The following FCN3 variants were observed in gnomAD, a reference collection of about 807,000 sequenced individuals.
FCN3 encodes ficolin 3, also known as ficolin-3.
In FCN3, 28 loss-of-function variants were observed where a neutral mutation model predicts 31.5. The ratio of observed to expected loss-of-function variants is 0.89; its 90% CI spans 0.66 to 1.22. The LOEUF (loss-of-function observed/expected upper bound fraction) is 1.22, where lower values mean the gene tolerates loss of function less well. Ranked by LOEUF, FCN3 falls within the 50% of genes most tolerant of loss-of-function variation. The probability of loss-of-function intolerance (pLI) is 0.00; values close to 1 mark genes in which losing one functional copy is unlikely to be tolerated. For missense variants in FCN3, 351 were observed against 386.8 expected (o/e 0.91, Z 0.78); for synonymous variants, 124 against 147.4 (o/e 0.84, Z 1.15).
rs201580290 is a variant in FCN3 at position 27,370,932 on chromosome 1, C to T, written c.434G>A (p.Arg145His). The change falls in exon 6 of 8, where the codon CGC (arginine) becomes CAC (histidine). Residue 145 changes from arginine (R) to histidine (H), a missense_variant. Arg to His is a conservative substitution (Grantham distance 29). Transcript: ENST00000270879. Reference protein sequence around the residue: ...RRQDGSVDFFRSWSSYRAGFG... With the variant: ...RRQDGSVDFFHSWSSYRAGFG... Reference sequence around the variant, plus strand: ...ACCTGCTCTGTAGGAGGACCAAGAGCGGAAGAAATCCACAGAACCATCCTG... The same window carrying T: ...ACCTGCTCTGTAGGAGGACCAAGAGTGGAAGAAATCCACAGAACCATCCTG... The T allele has an allele frequency of 7.6e-5, 123 of 1,613,434 alleles. No homozygotes were observed. The East Asian group carries it at 8.9e-4, about 12-fold the overall frequency.
rs776709383 is a variant in FCN3, at chr1:27,374,703, T to C, written c.91+25A>G. On this transcript the variant is annotated intron_variant, in intron 1 of 7. Transcript: ENST00000270879. The stretch of plus-strand genomic sequence containing the variant: ...AGCGAGGGAATGAGGAGTGGGTTGG[T>C]GAGGAGGGCACCCTAGGTGCCCACC... 8 of 1,358,844 alleles carry C rather than the reference T, an allele frequency of 5.9e-6. No homozygotes were observed. In the East Asian group the frequency reaches 2.1e-4, roughly 36 times the overall value. The allele number at this position is 1,358,844 out of a possible 1,614,324, so 84.2% of individuals were successfully genotyped here.
chr1:27,373,440 C>G (rs199734850), intron 4 of FCN3, 48 bp downstream of exon 4: 376 of 1,611,424 alleles, frequency 2.3e-4, no homozygotes, highest in Admixed American at 4.0e-4. Context: ...TGCCAACACC[C>G]AACACCATGT....
intron 7 of FCN3, 32 bp from the exon 8 acceptor site, chr1:27,369,509 G>A (rs1004389165): frequency 3.7e-6 from 6 of 1,606,670 alleles, no homozygotes; most frequent in South Asian, 1.1e-5. Context: ...GCACCTTGGT[G>A]CCCAGCACCA....
chr1:27,370,431 C>T, intron 7 of FCN3, 165 bp downstream of exon 7: 2 of 651,786 alleles, frequency 3.1e-6, no homozygotes, highest in Admixed American at 6.0e-5. Context: ...CTCCAGATCC[C>T]AAATTCTTCA....
intron 5 of FCN3, among the ~76,000 whole-genome samples, chr1:27,372,690 C>T (rs561696106): frequency 1.3e-5 from 2 of 152,202 alleles, no homozygotes; most frequent in African/African-American, 4.8e-5. Context: ...TCTCAGCTCA[C>T]TCACGCGTTC....
intron 3 of FCN3, 66 bp from the exon 4 acceptor site, chr1:27,373,586 G>A: frequency 6.4e-7 from 1 of 1,553,538 alleles, no homozygotes; most frequent in Non-Finnish European, 8.9e-7. Context: ...GCCACCAGTG[G>A]AGCCGGTACC....
At position 27,373,525 on chromosome 1, in the gene FCN3, C is replaced by T; in HGVS notation, c.233-5G>A. 2 of 1,614,042 alleles carry T rather than the reference C, an allele frequency of 1.2e-6. No individual in the cohort carries two copies. Among genetic ancestry groups the T allele is most frequent in the Non-Finnish European group, 1.7e-6 (2 of 1,179,962 alleles). On this transcript the variant is annotated splice_polypyrimidine_tract_variant and splice_region_variant and intron_variant, in intron 3 of 7. Transcript: ENST00000270879. ...GGAGCAGGTTCACTGGATCTCCTGC[C>T]CCAGAGAAGGGATGAGTGTTGGCTC...
In FCN3 at chr1:27,369,330, A is replaced by C; in HGVS notation, c.806T>G (p.Val269Gly). 6.2e-7 allele frequency: 1 copy of C among 1,614,262 alleles called. No homozygotes were observed. The highest frequency in any genetic ancestry group is 8.5e-7 in the Non-Finnish European group (1 of 1,180,040). Reference protein sequence around the residue: ...YRSNLNGRYAVSEAAAHKYGI... With the variant: ...YRSNLNGRYAGSEAAAHKYGI... ...ATATTTGTGGGCGGCAGCCTCAGAC[A>C]CTGCATAGCGACCATTGAGATTTGA... The change falls in exon 8 of 8, where the codon GTG (valine) becomes GGG (glycine). Residue 269 changes from valine (V) to glycine (G), a missense_variant. By Grantham distance (109) the Val-to-Gly change is moderately radical (BLOSUM62 -3). Transcript: ENST00000270879.
At chr1:27,374,490 T>C in intron 1 of FCN3, 39 bp from the exon 2 acceptor site, 1 of 1,367,354 alleles carries the variant, frequency 7.3e-7, no homozygotes, top group Non-Finnish European at 1.0e-6. Flanking sequence ...CAGGGTAGAC[T>C]GTCTCTTCCA....
In FCN3 at chr1:27,373,951, C is replaced by T. The variant is rs373935238; in HGVS notation, c.232+14G>A. 9 of 1,612,274 alleles carry T rather than the reference C, an allele frequency of 5.6e-6. No individual in the cohort carries two copies. Among genetic ancestry groups the T allele is most frequent in the Non-Finnish European group, 7.6e-6 (9 of 1,178,870 alleles). ...GCAAAGAAAGCGGGGAGGCCTCCAG[C>T]CCCACTTACTCACCTGGCTCACCCT... On this transcript the variant is annotated intron_variant, in intron 3 of 7. Transcript: ENST00000270879.
intron 3 of FCN3, 123 bp downstream of exon 3, chr1:27,373,842 T>A (rs2016197306): frequency 1.1e-6 from 1 of 881,072 alleles, no homozygotes; most frequent in Non-Finnish European, 1.8e-6. Context: ...TTCCCACTCC[T>A]CCCAGCCATC....
Position 27,373,426 on chromosome 1 carries a change from G to T in FCN3, c.265+62C>A, listed in dbSNP as rs1244092127. 15 of 1,599,950 alleles carry T rather than the reference G, an allele frequency of 9.4e-6. No homozygotes were observed. The East Asian group carries it at 3.1e-4, about 33-fold the overall frequency. ...GGGGAGGATCTTGGCCACACTTGGG[G>T]GTCTGCCAACACCCAACACCATGTG... On this transcript the variant is annotated intron_variant, in intron 4 of 7. Coordinates refer to ENST00000270879, the MANE Select transcript of FCN3 (RefSeq NM_003665.4).
chr1:27,373,930 AG>A, intron 3 of FCN3, 34 bp downstream of exon 3: 1 of 1,599,842 alleles, frequency 6.3e-7, no homozygotes, highest in Non-Finnish European at 8.6e-7. Flanking sequence ...ACAGAGGCAA[AG>A]AAAGCGGGGA....
chr1:27,370,039 C>G (rs1461192945), intron 7 of FCN3, among the ~76,000 whole-genome samples: 1 of 150,186 alleles, frequency 6.7e-6, no homozygotes, highest in African/African-American at 2.5e-5. Flanking sequence ...TGGAGTCTCG[C>G]TCTGTCGCCC....
In FCN3 at chr1:27,370,591, C is replaced by T; in HGVS notation, c.658+5G>A. ...CCTTCCTCTGCTCCCCTTAGGCTCACTCACCTGCAGTGCCCTCTGAGAACT... is the reference window on the plus strand; with the variant it reads ...CCTTCCTCTGCTCCCCTTAGGCTCATTCACCTGCAGTGCCCTCTGAGAACT... On this transcript the variant is annotated splice_donor_5th_base_variant and intron_variant, in intron 7 of 7. Transcript: ENST00000270879. 1.2e-6 allele frequency: 2 copies of T among 1,613,662 alleles called. No homozygotes were observed. The highest frequency in any genetic ancestry group is 1.3e-5 in the African/African-American group (1 of 75,068).
chr1:27,373,486 A>G lies in FCN3; in HGVS notation c.265+2T>C. ...TCCTGGCTCCTGCAAGGGCTGCCTC[A>G]CCTTCCTGGCACCGGAGCAGGTTCA... On this transcript the variant is annotated splice_donor_variant, in intron 4 of 7. Coordinates refer to ENST00000270879, the MANE Select transcript of FCN3 (RefSeq NM_003665.4). LOFTEE classifies it high-confidence loss of function. The G allele has an allele frequency of 1.2e-6, 2 of 1,613,964 alleles. No individual in the cohort carries two copies. Among genetic ancestry groups the G allele is most frequent in the Non-Finnish European group, 1.7e-6 (2 of 1,179,940 alleles).
In FCN3 at chr1:27,373,248, C is replaced by G; in HGVS notation, c.281G>C (p.Arg94Pro). The G allele has an allele frequency of 6.2e-7, 1 of 1,614,082 alleles. No homozygotes were observed. The highest frequency in any genetic ancestry group is 2.2e-5 in the East Asian group (1 of 44,878). ...LRCQEGPRNC[R>P]ELLSQGATLS... ...GGTGGCGCCCTGGCTCAACAGCTCC[C>G]GGCAGTTTCTGGGGCCTGGGAAAGG... is the stretch of plus-strand genomic sequence containing the variant. The change falls in exon 5 of 8, where the codon CGG becomes CCG. Residue 94 changes from arginine to proline, a missense_variant. Arg to Pro is a moderately radical substitution (Grantham distance 103). Transcript: ENST00000270879.
At position 27,370,639 on chromosome 1, in the gene FCN3, G is replaced by T. The variant is rs896408264; in HGVS notation, c.615C>A (p.Asp205Glu). 26 of 1,614,242 alleles carry T rather than the reference G, an allele frequency of 1.6e-5. No individual in the cohort carries two copies. The highest frequency in any genetic ancestry group is 2.1e-5 in the Non-Finnish European group (25 of 1,180,048). The change falls in exon 7 of 8, where the codon GAC becomes GAA. Residue 205 changes from aspartate (D) to glutamate (E), a missense_variant. Coordinates refer to ENST00000270879, the MANE Select transcript of FCN3 (RefSeq NM_003665.4). Reference protein sequence around the residue: ...YATFRLLGEVDHYQLALGKFS... With the variant: ...YATFRLLGEVEHYQLALGKFS... Reference sequence around the variant, plus strand: ...ACTTGCCCAGTGCCAGCTGGTAGTGGTCTACCTCACCGAGGAGGCGGAAGG... The same window carrying T: ...ACTTGCCCAGTGCCAGCTGGTAGTGTTCTACCTCACCGAGGAGGCGGAAGG...
rs758972568 is a variant in FCN3, at chr1:27,373,150, C to A, written c.379G>T (p.Gly127Trp). 2 of 1,613,990 alleles carry A rather than the reference C, an allele frequency of 1.2e-6. No individual in the cohort carries two copies. The highest frequency in any genetic ancestry group is 1.7e-6 in the Non-Finnish European group (2 of 1,179,960). Residue 127 changes from glycine to tryptophan, a missense_variant, in exon 5 of 8, where the codon GGG becomes TGG. Physicochemically the swap from Gly to Trp is radical, Grantham distance 184. Coordinates refer to ENST00000270879, the MANE Select transcript of FCN3 (RefSeq NM_003665.4). ...CAGACACTCACCAGCCAGCCGCCCC[C>A]CTCGGTGTCCATGTCACAAAAGACT... is the stretch of plus-strand genomic sequence containing the variant. ...LPVFCDMDTE[G>W]GGWLVFQRRQ...
Sources: allele counts gnomAD v4.1 joint callset (sites outside exome capture counted in the v4.1 genomes callset), GRCh38; gene constraint gnomAD v4.1.1; transcripts MANE v1.5; gene names NCBI Gene and HGNC (gene_info 2026-07-23, HGNC 2026-07-21).